Variants in SATB2 observed in about 807,000 individuals in gnomAD.
SATB2 encodes DNA-binding protein SATB2.
SATB2 carries 1 observed loss-of-function variant against 73.4 expected under a neutral mutation model. The ratio of observed to expected loss-of-function variants is 0.01; its 90% CI spans 0.00 to 0.06. The LOEUF (loss-of-function observed/expected upper bound fraction) is 0.06, where lower values mean the gene tolerates loss of function less well. Ranked by LOEUF, SATB2 falls within the 10% of genes least tolerant of loss-of-function variation. SATB2 has a pLI of 1.00. For synonymous variants in SATB2, 397 were observed against 367.0 expected (o/e 1.08, Z -0.93); for missense variants, 459 against 945.8 (o/e 0.49, Z 6.75).
chr2:199,371,725 A>G (rs1395786191), intron 5 of SATB2, among the ~76,000 whole-genome samples: 7 of 152,326 alleles, frequency 4.6e-5, no homozygotes, highest in African/African-American at 1.7e-4. Flanking sequence ...GTTAGGATCC[A>G]TATCTTTTTG....
chr2:199,446,464 A>G (rs1691965030), intron 2 of SATB2, among the ~76,000 whole-genome samples: 1 of 152,200 alleles, frequency 6.6e-6, no homozygotes, highest in Non-Finnish European at 1.5e-5. Context: ...GAAGAGGGAC[A>G]TGGAGAAGGT....
chr2:199,389,739 T>C (rs1690068312), intron 3 of SATB2, among the ~76,000 whole-genome samples: 1 of 152,192 alleles, frequency 6.6e-6, no homozygotes, highest in Non-Finnish European at 1.5e-5. Context: ...ATTTAAATCA[T>C]ATTTCTATCT....
At chr2:199,462,839 G>C (rs1045965989), upstream of SATB2, among the ~76,000 whole-genome samples, 4 of 151,336 alleles carry the variant, frequency 2.6e-5, no homozygotes, top group Admixed American at 6.6e-5. This position sits in a 1 kb window ranked among gnomAD's most constrained non-coding sequence, Gnocchi z 5.9. Context: ...GGTGAGCCTA[G>C]CACCCCAGAG....
intron 10 of SATB2, among the ~76,000 whole-genome samples, chr2:199,274,780 C>G (rs1487736532): frequency 2.0e-5 from 3 of 151,038 alleles, no homozygotes. Flanking sequence ...AAAGTGAGAG[C>G]TCCGTTACTT....
intron 9 of SATB2, among the ~76,000 whole-genome samples, chr2:199,310,497 C>A (rs1337640280): frequency 6.6e-6 from 1 of 151,758 alleles, no homozygotes; most frequent in East Asian, 1.9e-4. Context: ...TTTATCCATA[C>A]CAGAAAATAA....
chr2:199,289,532 G>T (rs10190192), intron 10 of SATB2, among the ~76,000 whole-genome samples: 152,052 of 152,320 alleles, frequency 1, 75,893 homozygotes, highest in Middle Eastern at 1. Context: ...ACACAACGTT[G>T]CCTTGGCTTT....
chr2:199,417,059 C>T (rs1026820615), intron 3 of SATB2, among the ~76,000 whole-genome samples: 1 of 151,370 alleles, frequency 6.6e-6, no homozygotes, highest in Non-Finnish European at 1.5e-5. Context: ...CACACACACA[C>T]ACACACACAC....
At chr2:199,431,024 C>T (rs1328177637) in intron 3 of SATB2, among the ~76,000 whole-genome samples, 1 of 152,174 alleles carries the variant, frequency 6.6e-6, no homozygotes, top group Non-Finnish European at 1.5e-5. Flanking sequence ...CATTTCTCTG[C>T]TTTAAATGGA....
intron 5 of SATB2, among the ~76,000 whole-genome samples, chr2:199,378,277 G>A (rs967608414): frequency 6.6e-6 from 1 of 152,156 alleles, no homozygotes; most frequent in Non-Finnish European, 1.5e-5. Context: ...TTTCTGAATT[G>A]GTAATATCAA....
intron 1 of SATB2, chr2:199,470,842 C>T (rs1474900255): frequency 1.3e-5 from 2 of 152,294 alleles, no homozygotes; most frequent in African/African-American, 4.8e-5. Context: ...CACCGTGCGC[C>T]CTTCAAAGAG....
intron 8 of SATB2, among the ~76,000 whole-genome samples, chr2:199,328,467 G>A (rs539500805): frequency 4.6e-5 from 7 of 152,208 alleles, no homozygotes; most frequent in African/African-American, 1.7e-4. Context: ...CTTGAACCCA[G>A]GAGGCGGAGG....
chr2:199,429,909 C>T (rs1691449546), intron 3 of SATB2, among the ~76,000 whole-genome samples: 1 of 151,836 alleles, frequency 6.6e-6, no homozygotes, highest in African/African-American at 2.4e-5. Flanking sequence ...GACTCCGTCT[C>T]GAAATAAATT....
At chr2:199,373,445 A>C (rs971074240) in intron 5 of SATB2, among the ~76,000 whole-genome samples, 1 of 152,102 alleles carries the variant, frequency 6.6e-6, no homozygotes, top group Non-Finnish European at 1.5e-5. Context: ...CTGAGCTATA[A>C]CATCAGAATT....
At chr2:199,323,013 C>G (rs1230374774) in intron 9 of SATB2, among the ~76,000 whole-genome samples, 1 of 152,018 alleles carries the variant, frequency 6.6e-6, no homozygotes, top group African/African-American at 2.4e-5. Flanking sequence ...GGTGTTCGCC[C>G]TAGGTATACA....
chr2:199,307,717 A>G (rs1687474937), intron 10 of SATB2, among the ~76,000 whole-genome samples: 1 of 152,190 alleles, frequency 6.6e-6, no homozygotes, highest in Non-Finnish European at 1.5e-5. Context: ...AAGATGTGTT[A>G]ACTTCTGGCT....
At position 199,368,587 on chromosome 2, in the gene SATB2, A is replaced by G. The variant is rs1312085898; in HGVS notation, c.700+18T>C. 1 of 1,450,868 alleles carries G rather than the reference A, an allele frequency of 6.9e-7. No homozygotes were observed. Among genetic ancestry groups the G allele is most frequent in the African/African-American group, 1.4e-5 (1 of 71,512 alleles). The allele number at this position is 1,450,868 out of a possible 1,614,324, so 89.9% of individuals were successfully genotyped here. A position where few individuals can be genotyped will look rare whatever the true frequency, so the allele number is the denominator to read the frequency against. ...CAGAAACTGAAAACAGGCTTTACAA[A>G]CAAAAAAGTCAGTTTACCTTTAATC... On this transcript the variant is annotated intron_variant, in intron 6 of 10. Coordinates refer to ENST00000417098, the MANE Select transcript of SATB2 (RefSeq NM_001172509.2).
chr2:199,284,770 A>G (rs1692634718), intron 10 of SATB2, among the ~76,000 whole-genome samples: 1 of 152,062 alleles, frequency 6.6e-6, no homozygotes, highest in Non-Finnish European at 1.5e-5. Context: ...AACAAACCAC[A>G]ATCAAAAATA....
intron 2 of SATB2, among the ~76,000 whole-genome samples, chr2:199,437,602 A>G (rs1239932256): frequency 6.6e-6 from 1 of 152,178 alleles, no homozygotes; most frequent in African/African-American, 2.4e-5. Context: ...CCTGTGTGTG[A>G]CCTTGAGTAG....
upstream of SATB2, chr2:199,458,027 G>T: frequency 6.4e-6 from 1 of 157,084 alleles, no homozygotes; most frequent in South Asian, 1.9e-4. Context: ...CTTTTGGGTT[G>T]TCCTCGGTTT....
Sources: allele counts gnomAD v4.1 joint callset (sites outside exome capture counted in the v4.1 genomes callset), GRCh38; gene constraint gnomAD v4.1.1; non-coding constraint Gnocchi (gnomAD v3.1); transcripts MANE v1.5; gene names NCBI Gene and HGNC (gene_info 2026-07-23, HGNC 2026-07-21).